PJVK: variants seen among roughly 807,000 people sequenced by gnomAD.
PJVK encodes the protein pejvakin, also known as autosomal recessive deafness type 59 protein.
PJVK carries 33 observed loss-of-function variants against 37.6 expected under a neutral mutation model. The ratio of observed to expected loss-of-function variants is 0.88; its 90% CI spans 0.67 to 1.17. The LOEUF is 1.17. Ranked by LOEUF, PJVK falls within the 50% of genes most tolerant of loss-of-function variation. PJVK has a pLI of 0.00. For synonymous variants in PJVK, 141 were observed against 143.5 expected (o/e 0.98, Z 0.13); for missense variants, 410 against 413.8 (o/e 0.99, Z 0.08).
intron 5 of PJVK, 21 bp from the exon 6 acceptor site, chr2:178,460,327 T>C: frequency 6.3e-7 from 1 of 1,593,608 alleles, no homozygotes; most frequent in Non-Finnish European, 8.6e-7. Context: ...TTATAACATC[T>C]TCTAACAATT....
intron 4 of PJVK, among the ~76,000 whole-genome samples, chr2:178,457,093 C>G (rs1229290729): frequency 6.6e-6 from 1 of 152,052 alleles, no homozygotes; most frequent in African/African-American, 2.4e-5. Flanking sequence ...CTCAGCCTCC[C>G]GAGTAGCTGG....
chr2:178,455,248 G>T (rs1683972385), intron 3 of PJVK: 5 of 1,536,380 alleles, frequency 3.3e-6, no homozygotes, highest in Non-Finnish European at 3.6e-6. Flanking sequence ...TTAACCCTGA[G>T]AATTCCAAGC....
At position 178,456,155 on chromosome 2, in the gene PJVK, A is replaced by G. The variant is rs1159539361; in HGVS notation, c.549+4A>G. 5 of 1,613,700 alleles carry G rather than the reference A, an allele frequency of 3.1e-6. No homozygotes were observed. In the South Asian group the frequency reaches 5.5e-5, roughly 18 times the overall value. On this transcript the variant is annotated splice_donor_region_variant and intron_variant, in intron 4 of 6. Transcript: ENST00000644580. ...AATTCGAGGGGAAGCAATGCGGGTA[A>G]ACCACACTTGTTGGGTTCTCTTACT...
intron 5 of PJVK, chr2:178,459,311 G>A: frequency 4.8e-6 from 2 of 418,450 alleles, no homozygotes; most frequent in Admixed American, 2.7e-5. Flanking sequence ...GTTCATTTCT[G>A]CAATTTTGTA....
intron 6 of PJVK, 127 bp from the exon 7 acceptor site, chr2:178,460,848 CAAAAAAA>C (rs748779811): frequency 2.7e-4 from 83 of 310,178 alleles, no homozygotes; most frequent in African/African-American, 3.8e-4. Context: ...GACCCTGTCT[CAAAAAAA>C]AAAAAAAAAA....
At chr2:178,455,709 C>G (rs913277615) in intron 3 of PJVK, among the ~76,000 whole-genome samples, 6 of 151,782 alleles carry the variant, frequency 4.0e-5, no homozygotes, top group Admixed American at 3.9e-4. Flanking sequence ...TACTTTGGCT[C>G]TACACACATT....
intron 5 of PJVK, among the ~76,000 whole-genome samples, chr2:178,459,016 G>A (rs373735121): frequency 4.6e-5 from 7 of 152,184 alleles, no homozygotes; most frequent in Non-Finnish European, 7.3e-5. Flanking sequence ...GTGTTAGGAT[G>A]CCCAAACCAG....
In PJVK at chr2:178,461,224, A is replaced by G. The variant is rs1684490004; in HGVS notation, c.1009A>G (p.Arg337Gly). ...QCSVDGQKYVRLHAVPCFDIW... is the reference protein window; with the variant it reads ...QCSVDGQKYVGLHAVPCFDIW... ...TTCTGTTGATGGTCAGAAGTATGTG[A>G]GACTTCATGCAGTTCCTTGTTTTGA... The change falls in exon 7 of 7, where the codon AGA becomes GGA. Residue 337 changes from arginine (R) to glycine (G), a missense_variant. Physicochemically the swap from Arg to Gly is moderately radical, Grantham distance 125 (BLOSUM62 -2). Coordinates refer to ENST00000644580, the MANE Select transcript of PJVK (RefSeq NM_001042702.5). 6.2e-7 allele frequency: 1 copy of G among 1,614,200 alleles called. No individual in the cohort carries two copies. The highest frequency in any genetic ancestry group is 1.3e-5 in the African/African-American group (1 of 75,056).
intron 4 of PJVK, among the ~76,000 whole-genome samples, chr2:178,458,154 A>T (rs1431800762): frequency 6.6e-6 from 1 of 152,116 alleles, no homozygotes. Context: ...AGGGCTTTGG[A>T]ATGGTAGACA....
intron 5 of PJVK, 136 bp downstream of exon 5, chr2:178,458,763 C>T: frequency 1.2e-6 from 1 of 854,856 alleles, no homozygotes; most frequent in Non-Finnish European, 2.0e-6. Flanking sequence ...CACTGTCAAT[C>T]TTATGCTTTG....
In PJVK at chr2:178,461,873, G is replaced by A. The variant is rs920490805; in HGVS notation, c.*599G>A. Among the ~76,000 whole-genome samples, 1 of 152,088 alleles carries A rather than the reference G, an allele frequency of 6.6e-6. No individual in the cohort carries two copies. The highest frequency in any genetic ancestry group is 6.6e-5 in the Admixed American group (1 of 15,262). On this transcript the variant is annotated 3_prime_UTR_variant, in exon 7 of 7. Coordinates refer to ENST00000644580, the MANE Select transcript of PJVK (RefSeq NM_001042702.5). ...GCTGGGATTACAGGCATGGGCCACC[G>A]TGCCTGGCCTAGATAACTTTTTATA...
At chr2:178,460,874 C>T (rs996055942) in intron 6 of PJVK, 108 bp from the exon 7 acceptor site, 5 of 811,852 alleles carry the variant, frequency 6.2e-6, no homozygotes, top group Non-Finnish European at 8.9e-6. Context: ...AAAAAAAAAG[C>T]CAAATTATTT....
At position 178,461,114 on chromosome 2, in the gene PJVK, T is replaced by G. The variant is rs1329963878; in HGVS notation, c.899T>G (p.Leu300Arg). 1.9e-6 allele frequency: 3 copies of G among 1,614,038 alleles called. No individual in the cohort carries two copies. Among genetic ancestry groups the G allele is most frequent in the Non-Finnish European group, 2.5e-6 (3 of 1,180,034 alleles). ...GGGACCCATATCCGAGTTAACTTAC[T>G]TAATCACAACATTCCCAAAGGGCCT... ...KEGTHIRVNL[L>R]NHNIPKGPCI... Residue 300 changes from leucine (L) to arginine (R), a missense_variant, in exon 7 of 7, where the codon CTT (leucine) becomes CGT (arginine). By Grantham distance (102) the Leu-to-Arg change is moderately radical. Transcript: ENST00000644580.
intron 3 of PJVK, among the ~76,000 whole-genome samples, chr2:178,455,798 A>G (rs937558173): frequency 1.3e-4 from 20 of 152,264 alleles, no homozygotes; most frequent in African/African-American, 4.6e-4. Flanking sequence ...TTCAACAGAC[A>G]GAGTGAAACA....
chr2:178,461,584 CTTTT>C lies in PJVK; in HGVS notation c.*325_*328del, dbSNP rs536141412. Among the ~76,000 whole-genome samples, 1 of 122,788 alleles carries C rather than the reference CTTTT, an allele frequency of 8.1e-6. No homozygotes were observed. Among genetic ancestry groups the C allele is most frequent in the Non-Finnish European group, 1.6e-5 (1 of 61,132 alleles). 80.6% of individuals were successfully genotyped at this position (122,788 alleles called of 152,430 possible). On this transcript the variant is annotated 3_prime_UTR_variant, in exon 7 of 7. Transcript: ENST00000644580. ...GATGTAGTCTATCATTTTAGTTCAC[CTTTT>C]TTTTTTTTTTTTTTGAGACAGAGCC...
In PJVK at chr2:178,461,984, C is replaced by T. The variant is rs990038296; in HGVS notation, c.*710C>T. ...AAGGATGACAAGACTGCACAAGTAG[C>T]AACTTTTGGTGTTTCAACTATTGCC... On this transcript the variant is annotated 3_prime_UTR_variant, in exon 7 of 7. Transcript: ENST00000644580. Among the ~76,000 whole-genome samples the T allele has an allele frequency of 3.3e-5, 5 of 152,188 alleles. No individual in the cohort carries two copies. The highest frequency in any genetic ancestry group is 1.2e-4 in the African/African-American group (5 of 41,444).
At chr2:178,453,903 G>A (rs187956462) in intron 2 of PJVK, 63 of 372,052 alleles carry the variant, frequency 1.7e-4, no homozygotes, top group African/African-American at 1.2e-3. Context: ...CTATAAAATG[G>A]GATATTATTT....
rs945646109 is a variant in PJVK at position 178,451,459 on chromosome 2, A to G, written c.-333A>G. ...CGTTTCTTGCCGGGAGAGAGGGATT[A>G]GAGGGATTGTCCGGCGTGGGTCTAG... On this transcript the variant is annotated 5_prime_UTR_variant, in exon 1 of 7. Coordinates refer to ENST00000644580, the MANE Select transcript of PJVK (RefSeq NM_001042702.5). 6.4e-5 allele frequency: 12 copies of G among 187,278 alleles called. No homozygotes were observed. In the South Asian group the frequency reaches 1.1e-3, roughly 18 times the overall value. 11.6% of individuals were successfully genotyped at this position (187,278 alleles called of 1,614,324 possible). A position where few individuals can be genotyped will look rare whatever the true frequency, so the allele number is the denominator to read the frequency against.
chr2:178,455,025 G>T lies in PJVK; in HGVS notation c.407+498G>T, dbSNP rs1024386654. 2.7e-6 allele frequency: 3 copies of T among 1,111,388 alleles called. No individual in the cohort carries two copies. The African/African-American group carries it at 4.6e-5, about 17-fold the overall frequency. The allele number at this position is 1,111,388 out of a possible 1,614,324, so 68.8% of individuals were successfully genotyped here. A position where few individuals can be genotyped will look rare whatever the true frequency, so the allele number is the denominator to read the frequency against. On this transcript the variant is annotated intron_variant, in intron 3 of 6. Coordinates refer to ENST00000644580, the MANE Select transcript of PJVK (RefSeq NM_001042702.5). ...GGACTTCCAGCTGAAAGGGAAGGAC[G>T]TGGTGGTGGCATCCAACGGCGGCAC...
Sources: allele counts gnomAD v4.1 joint callset (sites outside exome capture counted in the v4.1 genomes callset), GRCh38; gene constraint gnomAD v4.1.1; transcripts MANE v1.5; gene names NCBI Gene and HGNC (gene_info 2026-07-23, HGNC 2026-07-21).